Variants in RNF17 observed in about 807,000 individuals in gnomAD.
RNF17 encodes ring finger protein 17.
A neutral mutation model predicts 200.5 loss-of-function variants in RNF17; 31 were observed. The ratio of observed to expected loss-of-function variants is 0.15; its 90% CI spans 0.12 to 0.21. The LOEUF (loss-of-function observed/expected upper bound fraction) is 0.21. Ranked by LOEUF, RNF17 falls within the 10% of genes least tolerant of loss-of-function variation. The pLI, the probability that RNF17 is intolerant of heterozygous loss-of-function variation, is 1.00. For missense variants in RNF17, 1,628 were observed against 1,905.1 expected (o/e 0.85, Z 2.71); for synonymous variants, 606 against 637.8 (o/e 0.95, Z 0.75).
At chr13:24,870,241 C>T (rs1049833311) in intron 31 of RNF17, among the ~76,000 whole-genome samples, 4 of 152,070 alleles carry the variant, frequency 2.6e-5, no homozygotes, top group African/African-American at 9.7e-5. Flanking sequence ...GCCACCGCGC[C>T]CGGCCTAATT....
At chr13:24,849,167 A>G (rs1891572512) in intron 22 of RNF17, among the ~76,000 whole-genome samples, 1 of 152,242 alleles carries the variant, frequency 6.6e-6, no homozygotes, top group Non-Finnish European at 1.5e-5. Flanking sequence ...TCTTAAAAAA[A>G]TTGACCAGAA....
At chr13:24,856,703 C>G (rs893273918) in intron 25 of RNF17, among the ~76,000 whole-genome samples, 1 of 152,110 alleles carries the variant, frequency 6.6e-6, no homozygotes, top group Admixed American at 6.6e-5. Flanking sequence ...TCTGAACTTT[C>G]TGTTCTGTGT....
chr13:24,854,005 T>C lies in RNF17; in HGVS notation c.3471T>C (p.Ser1157=), dbSNP rs367671616. 22 of 1,614,054 alleles carry C rather than the reference T, an allele frequency of 1.4e-5. No homozygotes were observed. Among genetic ancestry groups the C allele is most frequent in the East Asian group, 4.5e-5 (2 of 44,880 alleles). Residue 1157 remains serine, a synonymous_variant, in exon 25 of 36, where the codon TCT becomes TCC. Transcript: ENST00000255324. The part of the protein sequence containing the change: ...TADIISEQKV[S]EFQEKILEPR... Reference sequence around the variant, plus strand: ...ACATAATCAGTGAACAGAAAGTGTCTGAATTTCAGGAGAAAATTCTAGAAC... The same window carrying C: ...ACATAATCAGTGAACAGAAAGTGTCCGAATTTCAGGAGAAAATTCTAGAAC...
rs769180862 is a variant in RNF17 at position 24,842,054 on chromosome 13, T to G, written c.2496T>G (p.Asp832Glu). The change falls in exon 19 of 36, where the codon GAT (aspartate) becomes GAG (glutamate). Residue 832 changes from aspartate to glutamate, a missense_variant. Coordinates refer to ENST00000255324, the MANE Select transcript of RNF17 (RefSeq NM_031277.3). ...ATGGTTTTACAGAAATTCTGGAAGA[T>G]AATGTGCTCTTAGTTGAGCTTTTCG... is the stretch of plus-strand genomic sequence containing the variant. ...MTCSVIKILE[D>E]NVLLVELFDS... 4 of 1,607,862 alleles carry G rather than the reference T, an allele frequency of 2.5e-6. No individual in the cohort carries two copies. The African/African-American group carries it at 5.4e-5, about 22-fold the overall frequency.
At chr13:24,827,706 A>AAC in intron 16 of RNF17, among the ~76,000 whole-genome samples, 1 of 115,552 alleles carries the variant, frequency 8.7e-6, no homozygotes, top group Admixed American at 8.4e-5. Context: ...CGTCTCAAAA[A>AAC]AAAAAAAAAA....
At chr13:24,841,484 C>A (rs974727725) in intron 18 of RNF17, among the ~76,000 whole-genome samples, 5 of 152,088 alleles carry the variant, frequency 3.3e-5, no homozygotes, top group Non-Finnish European at 7.4e-5. Context: ...GAGCTGATTT[C>A]TTTATATAAT....
At chr13:24,761,301 T>C (rs897263228), upstream of RNF17, among the ~76,000 whole-genome samples, 2 of 152,182 alleles carry the variant, frequency 1.3e-5, no homozygotes, top group Non-Finnish European at 2.9e-5. Flanking sequence ...CACTCTTATG[T>C]TGGGAATAAA....
At chr13:24,764,050 G>T, upstream of RNF17, 1 of 663,234 alleles carries the variant, frequency 1.5e-6, no homozygotes, top group Non-Finnish European at 2.5e-6. Context: ...ACGGAAAACA[G>T]CCCCAGCCCC....
intron 27 of RNF17, 36 bp downstream of exon 27, chr13:24,861,423 A>T (rs779647922): frequency 1.5e-6 from 2 of 1,327,036 alleles, no homozygotes; most frequent in Non-Finnish European, 2.0e-6. Flanking sequence ...GATTAATTTT[A>T]AATATTAGTT....
At chr13:24,795,008 C>G (rs924941074) in intron 10 of RNF17, among the ~76,000 whole-genome samples, 1 of 152,164 alleles carries the variant, frequency 6.6e-6, no homozygotes, top group Non-Finnish European at 1.5e-5. Context: ...CGTGAGCCAT[C>G]GTGCGCAGCC....
chr13:24,789,828 T>C (rs1883621789), intron 9 of RNF17, 56 bp downstream of exon 9: 1 of 957,280 alleles, frequency 1.0e-6, no homozygotes, highest in South Asian at 1.4e-5. Context: ...ACTTACATTA[T>C]CTAAGAGACA....
chr13:24,757,209 T>TTGA, the RNF17 span, among the ~76,000 whole-genome samples: 1 of 151,870 alleles, frequency 6.6e-6, no homozygotes, highest in Non-Finnish European at 1.5e-5. Context: ...AGAACAGTCC[T>TTGA]TTCATCCCTC....
rs759166286 is a variant in RNF17, at chr13:24,859,156, G to T, written c.3766G>T (p.Ala1256Ser). ...CAAGGTGATGGAGGTTGTAGGTGGC[G>T]CTGTCAGAGTGAGTCTGATATTCTT... Reference protein sequence around the residue: ...RGKVMEVVGGAVRVQYLDHGF... With the variant: ...RGKVMEVVGGSVRVQYLDHGF... The change falls in exon 26 of 36, where the codon GCT becomes TCT. Residue 1256 changes from alanine to serine, a missense_variant. This residue lies in a region of RNF17 where 609 missense variants were observed against 681.9 expected (regional missense o/e 0.89). Coordinates refer to ENST00000255324, the MANE Select transcript of RNF17 (RefSeq NM_031277.3). 21 of 1,595,096 alleles carry T rather than the reference G, an allele frequency of 1.3e-5. No individual in the cohort carries two copies. Among genetic ancestry groups the T allele is most frequent in the Non-Finnish European group, 1.8e-5 (21 of 1,168,928 alleles).
intron 15 of RNF17, among the ~76,000 whole-genome samples, chr13:24,811,375 GC>G (rs1886588318): frequency 2.0e-5 from 3 of 151,550 alleles, no homozygotes; most frequent in Non-Finnish European, 2.9e-5. Flanking sequence ...TTCCCTTCTC[GC>G]TTCATTTCAT....
At chr13:24,883,964 G>A (rs1396945698), downstream of RNF17, 15 of 1,613,938 alleles carry the variant, frequency 9.3e-6, no homozygotes, top group African/African-American at 8.0e-5. Flanking sequence ...TTGCCATACC[G>A]TTGTACTCTG....
chr13:24,800,944 A>G (rs1217351276), intron 13 of RNF17, among the ~76,000 whole-genome samples: 1 of 152,208 alleles, frequency 6.6e-6, no homozygotes, highest in African/African-American at 2.4e-5. Context: ...GCAAGATTGT[A>G]AACTCTTAAG....
the RNF17 span, among the ~76,000 whole-genome samples, chr13:24,748,754 T>TG: frequency 2.0e-5 from 1 of 50,708 alleles, no homozygotes; most frequent in Admixed American, 1.9e-4. Context: ...TTGTTTTTTG[T>TG]TTTTTTTTTG....
intron 15 of RNF17, among the ~76,000 whole-genome samples, chr13:24,823,687 A>C (rs2137948820): frequency 6.6e-6 from 1 of 152,304 alleles, no homozygotes; most frequent in African/African-American, 2.4e-5. Flanking sequence ...CTGGGCATGC[A>C]TCTTGTCAGG....
chr13:24,849,498 G>A (rs1353444862), intron 22 of RNF17, among the ~76,000 whole-genome samples: 4 of 152,162 alleles, frequency 2.6e-5, no homozygotes, highest in Non-Finnish European at 4.4e-5. Flanking sequence ...TGTATTTTAT[G>A]TGTGGCCCAA....
Sources: allele counts gnomAD v4.1 joint callset (sites outside exome capture counted in the v4.1 genomes callset), GRCh38; gene constraint gnomAD v4.1.1; regional missense constraint gnomAD v4.1.1; transcripts MANE v1.5; gene names NCBI Gene and HGNC (gene_info 2026-07-23, HGNC 2026-07-21).